ERC2: variants seen among roughly 807,000 people sequenced by gnomAD.
The protein encoded by ERC2 is ELKS/RAB6-interacting/CAST family member 2.
In ERC2, 42 loss-of-function variants were observed where a neutral mutation model predicts 114.8. The observed-to-expected ratio is 0.37, with a 90% CI of 0.29 to 0.47. The LOEUF (loss-of-function observed/expected upper bound fraction) is 0.47. Ranked by LOEUF, ERC2 falls within the 20% of genes least tolerant of loss-of-function variation. The pLI is 0.99. For missense variants in ERC2, 939 were observed against 1,150.7 expected (o/e 0.82, Z 2.66); for synonymous variants, 454 against 425.5 (o/e 1.07, Z -0.82).
chr3:55,893,179 T>C (rs2063692203), intron 13 of ERC2, among the ~76,000 whole-genome samples: 1 of 152,188 alleles, frequency 6.6e-6, no homozygotes, highest in Admixed American at 6.5e-5. Context: ...ACATTTCTGT[T>C]ATGTATAAGC....
At chr3:55,835,843 T>C (rs1333572224) in intron 14 of ERC2, among the ~76,000 whole-genome samples, 2 of 151,812 alleles carry the variant, frequency 1.3e-5, no homozygotes, top group East Asian at 3.9e-4. Context: ...TGATTGTATA[T>C]CTAGAAAACC....
At chr3:55,676,512 A>G (rs935453603) in intron 17 of ERC2, among the ~76,000 whole-genome samples, 3 of 151,090 alleles carry the variant, frequency 2.0e-5, no homozygotes, top group African/African-American at 7.3e-5. Context: ...CCTCCCACCC[A>G]TTGGTATCTG....
chr3:56,291,870 A>G (rs907406513), intron 3 of ERC2, among the ~76,000 whole-genome samples: 41 of 152,132 alleles, frequency 2.7e-4, no homozygotes, highest in African/African-American at 9.7e-4. Context: ...AAAACTCAGT[A>G]GAGAATATGG....
At chr3:55,542,089 A>T (rs1246827535) in intron 17 of ERC2, among the ~76,000 whole-genome samples, 1 of 152,214 alleles carries the variant, frequency 6.6e-6, no homozygotes, top group East Asian at 1.9e-4. Context: ...AAAATCTAAG[A>T]ATCTATCTAA....
At chr3:55,661,847 GC>G (rs2061151274) in intron 17 of ERC2, among the ~76,000 whole-genome samples, 1 of 152,050 alleles carries the variant, frequency 6.6e-6, no homozygotes, top group Admixed American at 6.6e-5. Context: ...AAAAAAGTGG[GC>G]CCACCTCCTT....
intron 13 of ERC2, among the ~76,000 whole-genome samples, chr3:55,912,184 G>A (rs1193383092): frequency 1.3e-5 from 2 of 152,180 alleles, no homozygotes; most frequent in Non-Finnish European, 2.9e-5. Context: ...TGGAGAGAGA[G>A]GTGGTGGTAC....
rs78248361 is a variant in ERC2, at chr3:56,401,526, A to G, written c.657+32825T>C. ...ATAGCTGCAGAATATTCCACAGCAG[A>G]AATGTGCCAATCTTTGAAGTTGCAT... On this transcript the variant is annotated intron_variant, in intron 2 of 17. Coordinates refer to ENST00000288221, the MANE Select transcript of ERC2 (RefSeq NM_015576.3). 6.5e-3 allele frequency among the ~76,000 whole-genome samples: 986 copies of G among 152,356 alleles called. 11 individuals carry two copies. Among genetic ancestry groups the G allele is most frequent in the African/African-American group, 0.023 (944 of 41,578 alleles).
intron 14 of ERC2, among the ~76,000 whole-genome samples, chr3:55,831,357 AGAAGG>A (rs2060567133): frequency 7.0e-5 from 3 of 43,154 alleles, no homozygotes; most frequent in African/African-American, 1.2e-4. Context: ...GGGAGGGGAG[AGAAGG>A]GGAGGGGAAG....
chr3:56,378,851 T>A (rs547149135), intron 2 of ERC2, among the ~76,000 whole-genome samples: 7 of 152,200 alleles, frequency 4.6e-5, no homozygotes, highest in African/African-American at 1.7e-4. Flanking sequence ...TTGGCAGATG[T>A]ACCTCCATTC....
At chr3:55,530,944 G>A (rs538175599) in intron 17 of ERC2, among the ~76,000 whole-genome samples, 28 of 152,298 alleles carry the variant, frequency 1.8e-4, no homozygotes, top group East Asian at 1.5e-3. Flanking sequence ...TAATTTGATC[G>A]GGAGGTCATC....
chr3:56,393,175 A>T (rs1420893777), intron 2 of ERC2, among the ~76,000 whole-genome samples: 1 of 152,204 alleles, frequency 6.6e-6, no homozygotes, highest in African/African-American at 2.4e-5. Flanking sequence ...AGGCAGGTGG[A>T]TCACCTGAGG....
chr3:55,602,702 C>T (rs2058460983), intron 17 of ERC2, among the ~76,000 whole-genome samples: 1 of 152,082 alleles, frequency 6.6e-6, no homozygotes, highest in African/African-American at 2.4e-5. Flanking sequence ...CCTTCCCATG[C>T]TACCACAACC....
rs181032120 is a variant in ERC2, at chr3:55,795,135, G to A, written c.2565-60217C>T. Among the ~76,000 whole-genome samples, 4 of 152,014 alleles carry A rather than the reference G, an allele frequency of 2.6e-5. No homozygotes were observed. The East Asian group carries it at 5.8e-4, about 22-fold the overall frequency. On this transcript the variant is annotated intron_variant, in intron 14 of 17. Transcript: ENST00000288221. Reference sequence around the variant, plus strand: ...AAATCCTAAAAAAAAGTACATTAACGTTCTTTCAAATTATTGTTTTAAAAT... The same window carrying A: ...AAATCCTAAAAAAAAGTACATTAACATTCTTTCAAATTATTGTTTTAAAAT...
intron 6 of ERC2, among the ~76,000 whole-genome samples, chr3:56,098,942 G>A (rs2078206108): frequency 6.6e-6 from 1 of 152,146 alleles, no homozygotes; most frequent in South Asian, 2.1e-4. Context: ...GAGTTGAATG[G>A]TGGTCCCCAA....
Position 56,029,169 on chromosome 3 carries a change from C to T in ERC2, c.1642-10138G>A, listed in dbSNP as rs528391969. ...TTTCACTTGGTCATGCCATATTATT[C>T]TTTTTAAACATTTTTTAATTTGATT... is the stretch of plus-strand genomic sequence containing the variant. On this transcript the variant is annotated intron_variant, in intron 7 of 17. Transcript: ENST00000288221. 9.2e-5 allele frequency among the ~76,000 whole-genome samples: 14 copies of T among 152,072 alleles called. No individual in the cohort carries two copies. In the South Asian group the frequency reaches 1.0e-3, roughly 11 times the overall value.
At chr3:55,544,627 C>A (rs2054618677) in intron 17 of ERC2, among the ~76,000 whole-genome samples, 1 of 152,166 alleles carries the variant, frequency 6.6e-6, no homozygotes, top group Non-Finnish European at 1.5e-5. Flanking sequence ...AATGCTGGAT[C>A]CTCGCTGGAT....
Position 56,396,676 on chromosome 3 carries a change from GT to G in ERC2, c.657+37674del, listed in dbSNP as rs747854745. ...TTACACATATCTTTCAAGTTTTAGG[GT>G]TTTTTTGTTTTGTTTTGTTTTTGTT... On this transcript the variant is annotated intron_variant, in intron 2 of 17. Transcript: ENST00000288221. Among the ~76,000 whole-genome samples, 10 of 152,124 alleles carry G rather than the reference GT, an allele frequency of 6.6e-5. No individual in the cohort carries two copies. In the East Asian group the frequency reaches 7.7e-4, roughly 12 times the overall value.
At chr3:55,808,776 AAT>A (rs2059603458) in intron 14 of ERC2, among the ~76,000 whole-genome samples, 2 of 137,082 alleles carry the variant, frequency 1.5e-5, no homozygotes, top group Admixed American at 1.4e-4. Context: ...ATATATATAT[AAT>A]TGTGAGAGAA....
At chr3:56,069,371 C>A (rs1213913435) in intron 7 of ERC2, among the ~76,000 whole-genome samples, 9 of 152,176 alleles carry the variant, frequency 5.9e-5, no homozygotes. Flanking sequence ...TTTTCTATTG[C>A]TGTATGACAA....
Sources: gnomAD v4.1 joint callset for allele counts (sites outside exome capture counted in the v4.1 genomes callset) on GRCh38, gnomAD v4.1.1 for gene constraint, MANE v1.5 for transcripts, NCBI Gene and HGNC (gene_info 2026-07-23, HGNC 2026-07-21) for gene names.